Variants in NTM observed in about 807,000 individuals in gnomAD.
NTM encodes neurotrimin.
NTM carries 13 observed loss-of-function variants against 42.1 expected under a neutral mutation model. The ratio of observed to expected loss-of-function variants is 0.31; its 90% CI spans 0.20 to 0.49. NTM has a LOEUF of 0.49. Among genes scored for constraint, NTM ranks in the 20% least tolerant of loss-of-function variants. The pLI, the probability that NTM is intolerant of heterozygous loss-of-function variation, is 0.99. For synonymous variants in NTM, 187 were observed against 179.2 expected (o/e 1.04, Z -0.35); for missense variants, 373 against 452.8 (o/e 0.82, Z 1.60).
intron 2 of NTM, among the ~76,000 whole-genome samples, chr11:132,034,307 A>G (rs12789910): frequency 0.064 from 9,695 of 152,246 alleles, 360 homozygotes; most frequent in South Asian, 0.17. Flanking sequence ...CTGCCCAGAG[A>G]TCACCTGCTA....
intron 4 of NTM, among the ~76,000 whole-genome samples, chr11:132,301,861 A>G (rs966958652): frequency 5.9e-5 from 9 of 152,242 alleles, no homozygotes; most frequent in African/African-American, 2.2e-4. Flanking sequence ...TATATATGCC[A>G]TAAAAATATT....
chr11:131,740,527 TCA>T (rs1256786725), intron 1 of NTM, among the ~76,000 whole-genome samples: 1 of 152,246 alleles, frequency 6.6e-6, no homozygotes, highest in Non-Finnish European at 1.5e-5. Flanking sequence ...TTTTGATGGC[TCA>T]CACTAAAATC....
At chr11:131,951,604 A>G (rs184475833) in intron 2 of NTM, among the ~76,000 whole-genome samples, 126 of 152,220 alleles carry the variant, frequency 8.3e-4, no homozygotes, top group African/African-American at 2.3e-3. Flanking sequence ...CGGGAGGATC[A>G]TGAGGTCAGG....
intron 1 of NTM, among the ~76,000 whole-genome samples, chr11:131,517,218 T>C (rs999372441): frequency 2.0e-5 from 3 of 152,168 alleles, no homozygotes; most frequent in East Asian, 1.9e-4. Flanking sequence ...GGATGCCTGA[T>C]TGTGTCTACA....
At chr11:132,007,169 G>A (rs1447414611) in intron 2 of NTM, among the ~76,000 whole-genome samples, 2 of 152,212 alleles carry the variant, frequency 1.3e-5, no homozygotes, top group Non-Finnish European at 2.9e-5. Flanking sequence ...TGTTGTTGAC[G>A]ATTTCGGCAT....
At position 132,335,237 on chromosome 11, in the gene NTM, T is replaced by C. The variant is rs1175943647; in HGVS notation, c.*91T>C. 2.4e-5 allele frequency: 33 copies of C among 1,365,422 alleles called. No individual in the cohort carries two copies. The highest frequency in any genetic ancestry group is 3.2e-5 in the Non-Finnish European group (32 of 991,630). 84.6% of individuals were successfully genotyped at this position (1,365,422 alleles called of 1,614,324 possible). On this transcript the variant is annotated 3_prime_UTR_variant, in exon 9 of 9. Transcript: ENST00000683400. ...GCAACACCGACAGCAACCAATCAGA[T>C]ATATACAAATGAAATTAGAAGAAAC...
rs1425059583 is a variant in NTM at position 132,003,085 on chromosome 11, T to TTG, written c.167+91445_167+91446dup. Among the ~76,000 whole-genome samples, 1 of 152,110 alleles carries TTG rather than the reference T, an allele frequency of 6.6e-6. No homozygotes were observed. The highest frequency in any genetic ancestry group is 1.5e-5 in the Non-Finnish European group (1 of 68,030). On this transcript the variant is annotated intron_variant, in intron 2 of 8. Coordinates refer to ENST00000683400, the MANE Select transcript of NTM (RefSeq NM_001352005.2). This position sits in a 1 kb window ranked among gnomAD's most constrained non-coding sequence, Gnocchi z 6.0. ...TAAACAGTAAGATGCGCTGCCACAG[T>TTG]TGTGTGTGTAATTGACTTTTATAGT... is the stretch of plus-strand genomic sequence containing the variant.
chr11:132,131,952 C>A (rs1208487145), intron 2 of NTM, among the ~76,000 whole-genome samples: 1 of 152,140 alleles, frequency 6.6e-6, no homozygotes, highest in Non-Finnish European at 1.5e-5. Flanking sequence ...ACTAGCTCTT[C>A]TACAGCCTGG....
intron 2 of NTM, among the ~76,000 whole-genome samples, chr11:132,095,893 CAA>C (rs1011333756): frequency 6.6e-6 from 1 of 152,178 alleles, no homozygotes; most frequent in African/African-American, 2.4e-5. Flanking sequence ...CTACCTGGGC[CAA>C]AAAGACTCTT....
chr11:131,409,750 C>T (rs536442562), intron 1 of NTM, among the ~76,000 whole-genome samples: 1 of 152,304 alleles, frequency 6.6e-6, no homozygotes, highest in African/African-American at 2.4e-5. Context: ...ATAAAGCCTG[C>T]CTTTGGAAGC....
At chr11:132,281,092 G>T (rs1424787016) in intron 4 of NTM, among the ~76,000 whole-genome samples, 2 of 152,134 alleles carry the variant, frequency 1.3e-5, no homozygotes, top group Non-Finnish European at 2.9e-5. Flanking sequence ...GGCATATGCT[G>T]CTTTGAAAGT....
In NTM at chr11:132,335,156, C is replaced by T. The variant is rs1190412279; in HGVS notation, c.*10C>T. ...GCTTCTCAAATTTTGATGTGAGTGC[C>T]ACTTCCCCACCCGGGAAAGGCTGCC... On this transcript the variant is annotated 3_prime_UTR_variant, in exon 9 of 9. Coordinates refer to ENST00000683400, the MANE Select transcript of NTM (RefSeq NM_001352005.2). 4 of 1,611,474 alleles carry T rather than the reference C, an allele frequency of 2.5e-6. No homozygotes were observed. Among genetic ancestry groups the T allele is most frequent in the Non-Finnish European group, 3.4e-6 (4 of 1,179,838 alleles).
intron 1 of NTM, among the ~76,000 whole-genome samples, chr11:131,648,811 G>C (rs1399481452): frequency 6.6e-6 from 1 of 152,114 alleles, no homozygotes; most frequent in East Asian, 1.9e-4. Context: ...CTTACTAAAG[G>C]GTGGGAAGAT....
intron 5 of NTM, among the ~76,000 whole-genome samples, chr11:132,309,294 G>C (rs1315517088): frequency 1.3e-5 from 2 of 152,208 alleles, no homozygotes; most frequent in Non-Finnish European, 2.9e-5. Context: ...GCCTAGCTTG[G>C]TCACTTGCTC....
rs530524495 is a variant in NTM, at chr11:132,130,605, T to C, written c.168-15677T>C. On this transcript the variant is annotated intron_variant, in intron 2 of 8. Transcript: ENST00000683400. ...GTTTGCATGTATCGTATTTTAGTAA[T>C]TGGCATCCCTGCCTTCACAGTTCTA... Among the ~76,000 whole-genome samples the C allele has an allele frequency of 2.6e-5, 4 of 152,182 alleles. No individual in the cohort carries two copies. In the South Asian group the frequency reaches 8.3e-4, roughly 32 times the overall value.
intron 1 of NTM, among the ~76,000 whole-genome samples, chr11:131,592,672 A>G (rs900758140): frequency 1.8e-3 from 269 of 150,490 alleles, no homozygotes; most frequent in Middle Eastern, 6.8e-3. Context: ...ACACACACAC[A>G]CACACACACA....
intron 2 of NTM, among the ~76,000 whole-genome samples, chr11:132,047,136 C>T (rs2078135152): frequency 6.6e-6 from 1 of 152,206 alleles, no homozygotes; most frequent in Non-Finnish European, 1.5e-5. Flanking sequence ...CCTTCTTTGC[C>T]TCCATCCAGT....
chr11:132,297,873 A>C (rs1054755274), intron 4 of NTM, among the ~76,000 whole-genome samples: 24 of 152,168 alleles, frequency 1.6e-4, no homozygotes, highest in African/African-American at 5.3e-4. Flanking sequence ...ACACACACCA[A>C]TGCACGTATG....
At chr11:132,269,458 T>G (rs990938538) in intron 4 of NTM, among the ~76,000 whole-genome samples, 3 of 152,234 alleles carry the variant, frequency 2.0e-5, no homozygotes, top group Non-Finnish European at 2.9e-5. Flanking sequence ...CTTCTCTATG[T>G]TGCCTTCTGT....
Sources: gnomAD v4.1 joint callset for allele counts (sites outside exome capture counted in the v4.1 genomes callset) on GRCh38, gnomAD v4.1.1 for gene constraint, Gnocchi (gnomAD v3.1) non-coding constraint, MANE v1.5 for transcripts, NCBI Gene and HGNC (gene_info 2026-07-23, HGNC 2026-07-21) for gene names.